The following SNX27 variants were observed in gnomAD, a reference collection of about 807,000 sequenced individuals.
The protein encoded by SNX27 is sorting nexin 27.
Under a neutral mutation model 71.6 loss-of-function variants are expected in SNX27, and 22 were observed. The ratio of observed to expected loss-of-function variants is 0.31; its 90% CI spans 0.22 to 0.44. The LOEUF is 0.44. Ranked by LOEUF, SNX27 falls within the 20% of genes least tolerant of loss-of-function variation. The pLI is 1.00. For missense variants in SNX27, 531 were observed against 698.6 expected (o/e 0.76, Z 2.70); for synonymous variants, 269 against 277.2 (o/e 0.97, Z 0.29).
intron 7 of SNX27, among the ~76,000 whole-genome samples, chr1:151,682,805 C>T (rs550786521): frequency 8.5e-5 from 13 of 152,178 alleles, no homozygotes; most frequent in South Asian, 2.1e-4. Flanking sequence ...GAGGTCGAGG[C>T]GGGCAGATCA....
intron 1 of SNX27, among the ~76,000 whole-genome samples, chr1:151,629,585 A>G (rs984025346): frequency 4.1e-4 from 61 of 148,532 alleles, no homozygotes; most frequent in African/African-American, 1.5e-3. Flanking sequence ...GTATATATAT[A>G]ATTTTTTTTT....
intron 2 of SNX27, among the ~76,000 whole-genome samples, chr1:151,652,521 G>T (rs1669462105): frequency 6.7e-6 from 1 of 148,936 alleles, no homozygotes; most frequent in Non-Finnish European, 1.5e-5. Flanking sequence ...CAATTCTCCT[G>T]CCTTAGCCTC....
Position 151,695,415 on chromosome 1 carries a change from T to G in SNX27, c.*998T>G, listed in dbSNP as rs1435752631. ...TAATTTCCTGTTTTCCTTGCCTTTT[T>G]TTTTTTTTTTTTTTTTTTTTTCTGA... On this transcript the variant is annotated 3_prime_UTR_variant, in exon 12 of 12. Coordinates refer to ENST00000458013, the MANE Select transcript of SNX27 (RefSeq NM_001330723.2). The G allele has an allele frequency of 7.3e-6, 1 of 136,210 alleles. No homozygotes were observed. Among genetic ancestry groups the G allele is most frequent in the Non-Finnish European group, 1.6e-5 (1 of 63,660 alleles). 8.4% of individuals were successfully genotyped at this position (136,210 alleles called of 1,614,324 possible).
intron 7 of SNX27, among the ~76,000 whole-genome samples, chr1:151,670,996 T>C (rs1670432673): frequency 6.6e-6 from 1 of 152,216 alleles, no homozygotes; most frequent in African/African-American, 2.4e-5. Flanking sequence ...TTCATTCTTT[T>C]GCACATGGAT....
chr1:151,629,399 A>T (rs149453075), intron 1 of SNX27: 1 of 151,864 alleles, frequency 6.6e-6, no homozygotes, highest in African/African-American at 2.4e-5. Flanking sequence ...TGGAAGGATC[A>T]TACGTAAATT....
Position 151,617,664 on chromosome 1 carries a change from C to T in SNX27, c.311+5152C>T, listed in dbSNP as rs1162278340. On this transcript the variant is annotated intron_variant, in intron 1 of 11. Coordinates refer to ENST00000458013, the MANE Select transcript of SNX27 (RefSeq NM_001330723.2). ...ATAAGCTCATCAAGGGCAGGGACTA[C>T]ATCAAATACTATGTATTTGTTGTAT... is the stretch of plus-strand genomic sequence containing the variant. Among the ~76,000 whole-genome samples, 4 of 152,188 alleles carry T rather than the reference C, an allele frequency of 2.6e-5. No homozygotes were observed. The East Asian group carries it at 7.7e-4, about 29-fold the overall frequency.
chr1:151,624,409 TTATATA>T (rs10577800), intron 1 of SNX27, among the ~76,000 whole-genome samples: 3 of 129,776 alleles, frequency 2.3e-5, no homozygotes, highest in East Asian at 2.2e-4. Context: ...TAGCTTGATT[TTATATA>T]TATATATATA....
Position 151,693,447 on chromosome 1 carries a change from C to T in SNX27, c.1542C>T (p.Phe514=), listed in dbSNP as rs761223156. 8.1e-6 allele frequency: 13 copies of T among 1,613,916 alleles called. No individual in the cohort carries two copies. The highest frequency in any genetic ancestry group is 1.3e-5 in the African/African-American group (1 of 74,878). Residue 514 remains phenylalanine (F), a synonymous_variant, in exon 11 of 12, where the codon TTC becomes TTT. Coordinates refer to ENST00000458013, the MANE Select transcript of SNX27 (RefSeq NM_001330723.2). ...AGTTCAATTACATGCATGAGTGCTT[C>T]GAGAGGGTGTTCTGCGAGCTCAAGT... ...TPYFNYMHEC[F]ERVFCELKWR...
chr1:151,640,515 C>T (rs191779024), intron 2 of SNX27, among the ~76,000 whole-genome samples: 5 of 152,234 alleles, frequency 3.3e-5, no homozygotes, highest in Non-Finnish European at 7.4e-5. Context: ...GCTGGGATTA[C>T]AGGTGCGCAC....
At chr1:151,634,351 T>G (rs1476187997) in intron 1 of SNX27, among the ~76,000 whole-genome samples, 1 of 152,178 alleles carries the variant, frequency 6.6e-6, no homozygotes, top group Admixed American at 6.5e-5. Context: ...TAGAATGGCT[T>G]TTTGCTGTGG....
intron 8 of SNX27, 31 bp from the exon 9 acceptor site, chr1:151,692,404 T>G: frequency 2.1e-6 from 3 of 1,420,340 alleles, no homozygotes; most frequent in Non-Finnish European, 2.8e-6. Context: ...TGTTTCTCCT[T>G]CCTTTTTTTT....
Position 151,696,983 on chromosome 1 carries a change from C to G in SNX27, c.*2566C>G, listed in dbSNP as rs1003074741. On this transcript the variant is annotated 3_prime_UTR_variant, in exon 12 of 12. Transcript: ENST00000458013. Reference sequence around the variant, plus strand: ...TTTCTTTCCTTCTTATTTTGTTATGCTGGCAGCCATTTGCCCCTGCATGGT... The same window carrying G: ...TTTCTTTCCTTCTTATTTTGTTATGGTGGCAGCCATTTGCCCCTGCATGGT... 1 of 152,176 alleles carries G rather than the reference C, an allele frequency of 6.6e-6. No individual in the cohort carries two copies. Among genetic ancestry groups the G allele is most frequent in the African/African-American group, 2.4e-5 (1 of 41,410 alleles). 9.4% of individuals were successfully genotyped at this position (152,176 alleles called of 1,614,324 possible).
chr1:151,617,247 G>A (rs1018323093), intron 1 of SNX27, among the ~76,000 whole-genome samples: 2 of 151,824 alleles, frequency 1.3e-5, no homozygotes, highest in African/African-American at 4.8e-5. Flanking sequence ...CGTGTATAGT[G>A]TGTTATAGTT....
chr1:151,663,985 C>T (rs548832739), intron 5 of SNX27, among the ~76,000 whole-genome samples: 7 of 151,614 alleles, frequency 4.6e-5, no homozygotes, highest in South Asian at 4.1e-4. Flanking sequence ...TGTCAACTAA[C>T]GCTATTTAAT....
At chr1:151,693,157 G>A (rs1161006757) in intron 10 of SNX27, 118 bp downstream of exon 10, 1 of 1,413,482 alleles carries the variant, frequency 7.1e-7, no homozygotes. Flanking sequence ...ATCCGAACCT[G>A]TTTGAATCCT....
chr1:151,694,332 T>C (rs768314150), intron 11 of SNX27, 38 bp from the exon 12 acceptor site: 40 of 1,548,966 alleles, frequency 2.6e-5, no homozygotes, highest in Middle Eastern at 1.7e-4. Flanking sequence ...TAAGAGGAGA[T>C]GTGCCTTCCC....
intron 1 of SNX27, among the ~76,000 whole-genome samples, chr1:151,618,130 C>T (rs1025423263): frequency 6.6e-6 from 1 of 151,680 alleles, no homozygotes; most frequent in Admixed American, 6.6e-5. Flanking sequence ...CCTCCTAAAC[C>T]GCTGGCATTG....
intron 1 of SNX27, among the ~76,000 whole-genome samples, chr1:151,621,646 AC>A (rs1425212932): frequency 1.3e-5 from 2 of 152,226 alleles, no homozygotes; most frequent in African/African-American, 4.8e-5. Context: ...CTCTTAAAGA[AC>A]TTTCAATAAG....
At position 151,697,291 on chromosome 1, in the gene SNX27, T is replaced by G. The variant is rs1671804545; in HGVS notation, c.*2874T>G. 6.6e-6 allele frequency: 1 copy of G among 152,130 alleles called. No homozygotes were observed. The highest frequency in any genetic ancestry group is 1.5e-5 in the Non-Finnish European group (1 of 68,022). 9.4% of individuals were successfully genotyped at this position (152,130 alleles called of 1,614,324 possible). On this transcript the variant is annotated 3_prime_UTR_variant, in exon 12 of 12. Transcript: ENST00000458013. Reference sequence around the variant, plus strand: ...GCAATTTGCCCCTACTCGCTCAGAGTGGGACAGTAGTGAACAGAGCTGGGA... The same window carrying G: ...GCAATTTGCCCCTACTCGCTCAGAGGGGGACAGTAGTGAACAGAGCTGGGA...
Sources: allele counts gnomAD v4.1 joint callset (sites outside exome capture counted in the v4.1 genomes callset), GRCh38; gene constraint gnomAD v4.1.1; transcripts MANE v1.5; gene names NCBI Gene and HGNC (gene_info 2026-07-23, HGNC 2026-07-21).